SULF2: variants seen among roughly 807,000 people sequenced by gnomAD.
SULF2 encodes sulfatase 2, also known as extracellular sulfatase Sulf-2.
SULF2 carries 52 observed loss-of-function variants against 107.7 expected under a neutral mutation model. The observed-to-expected ratio is 0.48, with a 90% CI of 0.39 to 0.61. SULF2 has a LOEUF of 0.61. Ranked by LOEUF, SULF2 falls within the 20% of genes least tolerant of loss-of-function variation. The pLI, the probability that SULF2 is intolerant of heterozygous loss-of-function variation, is 0.00. For missense variants in SULF2, 993 were observed against 1,177.3 expected, an observed-to-expected ratio of 0.84 and a Z score of 2.29; for synonymous variants, 460 against 464.3, an observed-to-expected ratio of 0.99 and a Z score of 0.12.
chr20:47,677,152 T>G lies in SULF2; in HGVS notation c.1194-18A>C. 1 of 1,613,180 alleles carries G rather than the reference T, an allele frequency of 6.2e-7. No homozygotes were observed. On this transcript the variant is annotated intron_variant, in intron 8 of 20. Coordinates refer to ENST00000688720, the MANE Select transcript of SULF2 (RefSeq NM_001387048.1). ...AGTGAAACCTGGAAAAAAGCACGGCTCCTGCTTCTCAGCAACATGAGGGCT... is the reference window on the plus strand; with the variant it reads ...AGTGAAACCTGGAAAAAAGCACGGCGCCTGCTTCTCAGCAACATGAGGGCT...
At chr20:47,738,703 C>T (rs2089805719) in intron 2 of SULF2, among the ~76,000 whole-genome samples, 1 of 152,186 alleles carries the variant, frequency 6.6e-6, no homozygotes, top group Admixed American at 6.5e-5. Flanking sequence ...TGCCTACCGC[C>T]ATGTAAGATG....
chr20:47,666,314 C>A lies in SULF2; in HGVS notation c.1751G>T (p.Gly584Val), dbSNP rs776577622. 6.2e-7 allele frequency: 1 copy of A among 1,614,250 alleles called. No homozygotes were observed. Among genetic ancestry groups the A allele is most frequent in the Admixed American group, 1.7e-5 (1 of 60,032 alleles). Residue 584 changes from glycine to valine, a missense_variant, in exon 12 of 21, where the codon GGC becomes GTC. Around this residue, in one of 3 missense-constraint regions of SULF2, gnomAD observed 497 missense variants for 544.1 expected, o/e 0.91. Coordinates refer to ENST00000688720, the MANE Select transcript of SULF2 (RefSeq NM_001387048.1). The surrounding 1 kb of genome is among the most constrained non-coding windows in gnomAD (Gnocchi z 5.4). ...QDDKDGGDFS[G>V]TGGLPDYSAA... ...TGAGTAGTCGGGAAGGCCTCCAGTG[C>A]CACTGAAGTCCCCACCATCCTTGTC... is the stretch of plus-strand genomic sequence containing the variant.
intron 1 of SULF2, among the ~76,000 whole-genome samples, chr20:47,768,171 G>A (rs1259399179): frequency 6.6e-6 from 1 of 152,164 alleles, no homozygotes; most frequent in East Asian, 1.9e-4. Context: ...GGAAGACAGC[G>A]ACGCCACTTT....
chr20:47,678,328 TC>T lies in SULF2; in HGVS notation c.1193+347del, dbSNP rs1414092915. The T allele has an allele frequency of 1.1e-5, 2 of 182,622 alleles. No individual in the cohort carries two copies. The highest frequency in any genetic ancestry group is 4.7e-5 in the African/African-American group (2 of 42,688). 11.3% of individuals were successfully genotyped at this position (182,622 alleles called of 1,614,324 possible). A position where few individuals can be genotyped will look rare whatever the true frequency, so the allele number is the denominator to read the frequency against. The stretch of plus-strand genomic sequence containing the variant: ...CGCTGGGTTACTGTGAGGATCAAAT[TC>T]CTAGATTTCCCTGCACAGTACTTAG... On this transcript the variant is annotated intron_variant, in intron 8 of 20. Transcript: ENST00000688720. This position sits in a 1 kb window ranked among gnomAD's most constrained non-coding sequence, Gnocchi z 4.5.
intron 7 of SULF2, among the ~76,000 whole-genome samples, chr20:47,682,033 A>G (rs1981062): frequency 0.4 from 60,455 of 151,952 alleles, 12,406 homozygotes; most frequent in Middle Eastern, 0.5. Context: ...AAGAGTAGAC[A>G]CTCCATACGT....
chr20:47,722,464 G>A (rs2089321241), intron 3 of SULF2, among the ~76,000 whole-genome samples: 1 of 151,914 alleles, frequency 6.6e-6, no homozygotes, highest in Non-Finnish European at 1.5e-5. Context: ...GTCTCTCTAT[G>A]TTGCCCAGGC....
chr20:47,672,639 T>TG, intron 10 of SULF2: 6 of 796,570 alleles, frequency 7.5e-6, no homozygotes, highest in Non-Finnish European at 9.1e-6. Flanking sequence ...TACCTGCTTC[T>TG]GTCTGCTCCT....
intron 3 of SULF2, chr20:47,706,588 C>T (rs919186619): frequency 6.6e-6 from 1 of 152,232 alleles, no homozygotes; most frequent in Non-Finnish European, 1.5e-5. Flanking sequence ...TTTGCTGACC[C>T]CTAGCATGTG....
chr20:47,662,491 G>A (rs2087109652), intron 17 of SULF2, among the ~76,000 whole-genome samples: 1 of 152,170 alleles, frequency 6.6e-6, no homozygotes, highest in Non-Finnish European at 1.5e-5. Context: ...CAAAGCCTGG[G>A]CAATACCAAG....
chr20:47,766,238 T>G (rs1332301801), intron 1 of SULF2, among the ~76,000 whole-genome samples: 2 of 152,184 alleles, frequency 1.3e-5, no homozygotes, highest in Non-Finnish European at 2.9e-5. Flanking sequence ...TCTCCAGCCT[T>G]CTCTCCTCCT....
chr20:47,672,886 A>G (rs1281963813), intron 10 of SULF2, among the ~76,000 whole-genome samples: 1 of 151,990 alleles, frequency 6.6e-6, no homozygotes, highest in Non-Finnish European at 1.5e-5. Flanking sequence ...CTTGGCGCTC[A>G]CTGTTCCTTC....
rs1377508947 is a variant in SULF2, at chr20:47,742,123, C to G, written c.176-5181G>C. ...ATGGGCAGTGCTATGTGCTAAGCCT[C>G]CCCTTGGGGACAGTAACCTGCTTTA... is the stretch of plus-strand genomic sequence containing the variant. On this transcript the variant is annotated intron_variant, in intron 2 of 20. Coordinates refer to ENST00000688720, the MANE Select transcript of SULF2 (RefSeq NM_001387048.1). 2.0e-5 allele frequency among the ~76,000 whole-genome samples: 3 copies of G among 152,222 alleles called. No homozygotes were observed. In the East Asian group the frequency reaches 5.8e-4, roughly 29 times the overall value.
At chr20:47,729,775 G>A (rs1394056189) in intron 3 of SULF2, among the ~76,000 whole-genome samples, 1 of 152,150 alleles carries the variant, frequency 6.6e-6, no homozygotes, top group African/African-American at 2.4e-5. Flanking sequence ...CAGGGTGGAT[G>A]GGGTTCAGGG....
At chr20:47,744,388 C>T (rs1318130834) in intron 2 of SULF2, among the ~76,000 whole-genome samples, 1 of 151,934 alleles carries the variant, frequency 6.6e-6, no homozygotes, top group Non-Finnish European at 1.5e-5. Context: ...CAGGGTTACA[C>T]CATGTTGACC....
chr20:47,709,558 T>G (rs1349094592), intron 3 of SULF2, among the ~76,000 whole-genome samples: 1 of 152,206 alleles, frequency 6.6e-6, no homozygotes. Flanking sequence ...GAGGACCGCA[T>G]TCCCCTGGTG....
chr20:47,736,698 C>T lies in SULF2; in HGVS notation c.415+5G>A, dbSNP rs2089738872. 1.4e-5 allele frequency: 23 copies of T among 1,614,220 alleles called. No individual in the cohort carries two copies. The highest frequency in any genetic ancestry group is 1.9e-5 in the Non-Finnish European group (23 of 1,180,038). On this transcript the variant is annotated splice_donor_5th_base_variant and intron_variant, in intron 3 of 20. Transcript: ENST00000688720. ...CTTCCTGCACCTGCCCCCGTCCCTGCTCACCTGTCCGGTAGCCAGTGCTAT... is the reference window on the plus strand; with the variant it reads ...CTTCCTGCACCTGCCCCCGTCCCTGTTCACCTGTCCGGTAGCCAGTGCTAT...
chr20:47,667,390 C>T (rs1345898798), intron 11 of SULF2, among the ~76,000 whole-genome samples: 1 of 152,146 alleles, frequency 6.6e-6, no homozygotes, highest in Non-Finnish European at 1.5e-5. Context: ...CTCAGGGGTG[C>T]AGGCTGAAGT....
chr20:47,745,886 C>G (rs1440794885), intron 2 of SULF2, among the ~76,000 whole-genome samples: 1 of 152,198 alleles, frequency 6.6e-6, no homozygotes, highest in African/African-American at 2.4e-5. Context: ...CGGAGTCCCT[C>G]TAGACTAAAT....
intron 1 of SULF2, among the ~76,000 whole-genome samples, chr20:47,782,356 T>C (rs2122743905): frequency 6.6e-6 from 1 of 152,276 alleles, no homozygotes; most frequent in African/African-American, 2.4e-5. Context: ...ATTATAACGA[T>C]CTTAATGCCC....
Sources: allele counts gnomAD v4.1 joint callset (sites outside exome capture counted in the v4.1 genomes callset), GRCh38; gene constraint gnomAD v4.1.1; regional missense constraint gnomAD v4.1.1; non-coding constraint Gnocchi (gnomAD v3.1); transcripts MANE v1.5; gene names NCBI Gene and HGNC (gene_info 2026-07-23, HGNC 2026-07-21).